The following ITGB6 variants were observed in gnomAD, a reference collection of about 807,000 sequenced individuals.
ITGB6 encodes integrin beta-6.
A neutral mutation model predicts 84.5 loss-of-function variants in ITGB6; 80 were observed. The ratio of observed to expected loss-of-function variants is 0.95; its 90% CI spans 0.79 to 1.14. ITGB6 has a LOEUF of 1.14. ITGB6 is among the 50% of genes most tolerant of loss of function. ITGB6 has a pLI of 0.00. For synonymous variants in ITGB6, 383 were observed against 354.9 expected, an observed-to-expected ratio of 1.08 and a Z score of -0.89; for missense variants, 1,006 against 968.0, an observed-to-expected ratio of 1.04 and a Z score of -0.52.
chr2:160,185,453 A>G (rs576777497), intron 4 of ITGB6, among the ~76,000 whole-genome samples: 2 of 152,306 alleles, frequency 1.3e-5, no homozygotes, highest in African/African-American at 4.8e-5. Flanking sequence ...ACTACAAACC[A>G]CTGCTCAAGG....
intron 7 of ITGB6, among the ~76,000 whole-genome samples, chr2:160,144,876 A>C (rs1004800761): frequency 2.0e-5 from 3 of 152,346 alleles, no homozygotes; most frequent in Admixed American, 2.0e-4. Context: ...GTTGGCAGCC[A>C]GTAGCAGTAA....
intron 7 of ITGB6, among the ~76,000 whole-genome samples, chr2:160,166,518 G>C (rs551729042): frequency 2.0e-5 from 3 of 152,254 alleles, no homozygotes; most frequent in African/African-American, 7.2e-5. Flanking sequence ...ATTCAGATAA[G>C]ACAGTTGAGG....
chr2:160,174,367 C>G (rs1471989120), intron 4 of ITGB6, among the ~76,000 whole-genome samples: 2 of 152,172 alleles, frequency 1.3e-5, no homozygotes, highest in African/African-American at 4.8e-5. Flanking sequence ...GTGTGTCTTG[C>G]ACTGGCTCAA....
intron 8 of ITGB6, among the ~76,000 whole-genome samples, chr2:160,140,701 A>T (rs1023186295): frequency 2.0e-5 from 3 of 152,238 alleles, no homozygotes; most frequent in Non-Finnish European, 2.9e-5. Flanking sequence ...GATGAATTTG[A>T]TGTGATCTAA....
chr2:160,147,103 A>G (rs1684227212), intron 7 of ITGB6, among the ~76,000 whole-genome samples: 3 of 151,030 alleles, frequency 2.0e-5, no homozygotes, highest in Admixed American at 2.0e-4. Context: ...AAAAAAAAAG[A>G]AAGAAAAGGA....
chr2:160,112,285 GTAAAT>G, intron 12 of ITGB6, 86 bp from the exon 13 acceptor site: 4 of 1,228,696 alleles, frequency 3.3e-6, no homozygotes, highest in South Asian at 2.7e-5. Flanking sequence ...GTTTTAATAT[GTAAAT>G]TAGAGTTTTC....
At chr2:160,110,565 T>C (rs1682455388) in intron 13 of ITGB6, among the ~76,000 whole-genome samples, 2 of 152,128 alleles carry the variant, frequency 1.3e-5, no homozygotes, top group Admixed American at 6.5e-5. Context: ...ATTCCTTGAC[T>C]CTGTTGTGGC....
intron 7 of ITGB6, among the ~76,000 whole-genome samples, chr2:160,166,512 A>T (rs1445380230): frequency 6.6e-6 from 1 of 152,198 alleles, no homozygotes; most frequent in African/African-American, 2.4e-5. Flanking sequence ...GAAGCTATTC[A>T]GATAAGACAG....
chr2:160,165,627 G>T (rs1684974182), intron 7 of ITGB6, among the ~76,000 whole-genome samples: 1 of 152,160 alleles, frequency 6.6e-6, no homozygotes, highest in Non-Finnish European at 1.5e-5. Flanking sequence ...ACGTATGGTG[G>T]ATAATTTCCA....
intron 7 of ITGB6, among the ~76,000 whole-genome samples, chr2:160,151,626 A>T (rs1684419944): frequency 6.6e-6 from 1 of 152,226 alleles, no homozygotes; most frequent in Non-Finnish European, 1.5e-5. Flanking sequence ...AAGAGACACA[A>T]AAAACCCTTC....
chr2:160,187,618 C>T (rs1685956444), intron 4 of ITGB6, among the ~76,000 whole-genome samples: 2 of 152,126 alleles, frequency 1.3e-5, no homozygotes, highest in African/African-American at 4.8e-5. Flanking sequence ...AGTTGTCTTC[C>T]ATTAAACCAG....
At chr2:160,172,993 C>T (rs1035505328) in intron 5 of ITGB6, among the ~76,000 whole-genome samples, 9 of 152,096 alleles carry the variant, frequency 5.9e-5, no homozygotes, top group African/African-American at 1.9e-4. Flanking sequence ...TGCAGTTAAT[C>T]TTGACTTTTA....
intron 10 of ITGB6, 130 bp downstream of exon 10, chr2:160,137,304 G>C (rs1683778699): frequency 1.2e-6 from 1 of 833,408 alleles, no homozygotes; most frequent in East Asian, 2.5e-5. Flanking sequence ...GTTACCCTAG[G>C]TCTAAGGCTG....
At position 160,196,564 on chromosome 2, in the gene ITGB6, T is replaced by C. The variant is rs72982051; in HGVS notation, c.142-144A>G. ...TGTATCCCTACATGACTAACATTGATTATAGGTCTAAAGTTAAGTTATAGG... is the reference window on the plus strand; with the variant it reads ...TGTATCCCTACATGACTAACATTGACTATAGGTCTAAAGTTAAGTTATAGG... On this transcript the variant is annotated intron_variant, in intron 2 of 14. Transcript: ENST00000283249. 7.7e-3 allele frequency: 5,083 copies of C among 663,416 alleles called. 29 individuals are homozygous for C. The highest frequency in any genetic ancestry group is 9.9e-3 in the Non-Finnish European group (3,867 of 392,580). 41.1% of individuals were successfully genotyped at this position (663,416 alleles called of 1,614,324 possible).
chr2:160,146,731 G>A (rs1425096454), intron 7 of ITGB6, among the ~76,000 whole-genome samples: 6 of 152,046 alleles, frequency 3.9e-5, no homozygotes, highest in Admixed American at 1.3e-4. Flanking sequence ...CATACAGAGT[G>A]TGCCAGTAAT....
chr2:160,160,833 G>A (rs1241908306), intron 7 of ITGB6, among the ~76,000 whole-genome samples: 1 of 152,144 alleles, frequency 6.6e-6, no homozygotes, highest in African/African-American at 2.4e-5. Flanking sequence ...TGCAACCATA[G>A]GAAAGGCTTT....
At position 160,099,981 on chromosome 2, in the gene ITGB6, C is replaced by A. The variant is rs1416094094; in HGVS notation, c.*1755G>T. ...TGCTGTTGTGTTATCAGCATTGCAA[C>A]CTGTATATTGCTGTAGATTTCCCCC... On this transcript the variant is annotated 3_prime_UTR_variant, in exon 15 of 15. Coordinates refer to ENST00000283249, the MANE Select transcript of ITGB6 (RefSeq NM_000888.5). 2 of 152,160 alleles carry A rather than the reference C, an allele frequency of 1.3e-5. No homozygotes were observed. The highest frequency in any genetic ancestry group is 6.5e-5 in the Admixed American group (1 of 15,286). 9.4% of individuals were successfully genotyped at this position (152,160 alleles called of 1,614,324 possible). A position where few individuals can be genotyped will look rare whatever the true frequency, so the allele number is the denominator to read the frequency against.
rs762226400 is a variant in ITGB6 at position 160,101,688 on chromosome 2, T to C, written c.*48A>G. 8 of 1,057,728 alleles carry C rather than the reference T, an allele frequency of 7.6e-6. No individual in the cohort carries two copies. The Admixed American group carries it at 1.4e-4, about 18-fold the overall frequency. 65.5% of individuals were successfully genotyped at this position (1,057,728 alleles called of 1,614,324 possible). On this transcript the variant is annotated 3_prime_UTR_variant, in exon 15 of 15. Coordinates refer to ENST00000283249, the MANE Select transcript of ITGB6 (RefSeq NM_000888.5). Reference sequence around the variant, plus strand: ...AAGAGAAAAAAATTAAATAGTGCATTAACATTTCATATCAGTGAAACAGAC... The same window carrying C: ...AAGAGAAAAAAATTAAATAGTGCATCAACATTTCATATCAGTGAAACAGAC...
intron 4 of ITGB6, among the ~76,000 whole-genome samples, chr2:160,175,499 T>C (rs185272397): frequency 9.8e-5 from 15 of 152,354 alleles, no homozygotes; most frequent in African/African-American, 3.6e-4. Flanking sequence ...CCTCCAACTC[T>C]AAGCCAGTGT....
Sources: gnomAD v4.1 joint callset for allele counts (sites outside exome capture counted in the v4.1 genomes callset) on GRCh38, gnomAD v4.1.1 for gene constraint, MANE v1.5 for transcripts, NCBI Gene and HGNC (gene_info 2026-07-23, HGNC 2026-07-21) for gene names.